KLHL32: variants seen among roughly 807,000 people sequenced by gnomAD.
KLHL32 encodes kelch like family member 32, also known as kelch-like protein 32.
Under a neutral mutation model 64.8 loss-of-function variants are expected in KLHL32, and 35 were observed. That is an observed-to-expected ratio of 0.54 (90% CI 0.41 to 0.72). KLHL32 has a LOEUF of 0.72. Ranked by LOEUF, KLHL32 falls within the 30% of genes least tolerant of loss-of-function variation. The pLI, the probability that KLHL32 is intolerant of heterozygous loss-of-function variation, is 0.00. For missense variants in KLHL32, 589 were observed against 768.5 expected, an observed-to-expected ratio of 0.77 and a Z score of 2.76; for synonymous variants, 259 against 281.0, an observed-to-expected ratio of 0.92 and a Z score of 0.78.
At chr6:97,030,093 A>G (rs554071904) in intron 3 of KLHL32, among the ~76,000 whole-genome samples, 1 of 152,324 alleles carries the variant, frequency 6.6e-6, no homozygotes, top group East Asian at 1.9e-4. Flanking sequence ...CTGTAAGATT[A>G]TTTGTATTCT....
chr6:97,124,099 T>C (rs1381328368), intron 7 of KLHL32, among the ~76,000 whole-genome samples: 1 of 152,192 alleles, frequency 6.6e-6, no homozygotes, highest in East Asian at 1.9e-4. Context: ...TTTTTTAAAA[T>C]GTATCTTAGT....
chr6:97,064,247 AAATATACTTTGAAAAACTAAAACTCAGT>A (rs1378425201), intron 4 of KLHL32, among the ~76,000 whole-genome samples: 9 of 152,218 alleles, frequency 5.9e-5, no homozygotes, highest in Non-Finnish European at 7.3e-5. Flanking sequence ...CAAAATTCTG[AAATATACTTTGAAAAACTAAAACTCAGT>A]TCTTTTGCAT....
intron 1 of KLHL32, among the ~76,000 whole-genome samples, chr6:96,929,076 T>A (rs1769523163): frequency 6.6e-6 from 1 of 152,130 alleles, no homozygotes; most frequent in Non-Finnish European, 1.5e-5. Context: ...CAAGTGGGAG[T>A]TAGACTTGCA....
At chr6:97,116,998 G>T (rs1797865385) in intron 7 of KLHL32, among the ~76,000 whole-genome samples, 1 of 152,132 alleles carries the variant, frequency 6.6e-6, no homozygotes, top group South Asian at 2.1e-4. Context: ...ACTTTGCTGT[G>T]TACAGTACAA....
intron 6 of KLHL32, among the ~76,000 whole-genome samples, chr6:97,103,213 CT>C (rs5878463): frequency 0.48 from 58,165 of 120,958 alleles, 12,338 homozygotes; most frequent in African/African-American, 0.59. Context: ...TTGAATTTAT[CT>C]TTTTTTTTTT....
In KLHL32 at chr6:97,085,712, G is replaced by GA. The variant is rs1793310450; in HGVS notation, c.627+371_627+372insA. 3.5e-4 allele frequency among the ~76,000 whole-genome samples: 54 copies of GA among 152,164 alleles called. 1 individual carries two copies. The highest frequency in any genetic ancestry group is 3.5e-3 in the Admixed American group (54 of 15,266). On this transcript the variant is annotated intron_variant, in intron 6 of 10. Coordinates refer to ENST00000369261, the MANE Select transcript of KLHL32 (RefSeq NM_052904.4). ...TGATATATATGCATATTTAAGACCA[G>GA]GAGAATCAGAGTAAATTTGGGCCTT...
chr6:96,938,379 G>T (rs895347417), intron 1 of KLHL32, among the ~76,000 whole-genome samples: 1 of 152,192 alleles, frequency 6.6e-6, no homozygotes, highest in African/African-American at 2.4e-5. Flanking sequence ...TCCCTGGCCA[G>T]GTGGTACTGG....
chr6:97,087,701 A>G lies in KLHL32; in HGVS notation c.627+2360A>G, dbSNP rs935995237. Among the ~76,000 whole-genome samples the G allele has an allele frequency of 7.9e-5, 12 of 152,208 alleles. No individual in the cohort carries two copies. The East Asian group carries it at 2.3e-3, about 29-fold the overall frequency. Reference sequence around the variant, plus strand: ...ATGAGAGCATGGTAAACACACACACACTTACGCAGGTGGCTCTTCTACTAT... The same window carrying G: ...ATGAGAGCATGGTAAACACACACACGCTTACGCAGGTGGCTCTTCTACTAT... On this transcript the variant is annotated intron_variant, in intron 6 of 10. Transcript: ENST00000369261.
At chr6:97,038,945 C>T (rs1784692336) in intron 3 of KLHL32, among the ~76,000 whole-genome samples, 1 of 151,472 alleles carries the variant, frequency 6.6e-6, no homozygotes, top group South Asian at 2.1e-4. Context: ...CAAAAATTAG[C>T]TGGGTATGGT....
rs574654698 is a variant in KLHL32, at chr6:96,976,120, G to A, written c.147G>A (p.Glu49=). Residue 49 remains glutamate, a synonymous_variant, in exon 3 of 11, where the codon GAG becomes GAA. Coordinates refer to ENST00000369261, the MANE Select transcript of KLHL32 (RefSeq NM_052904.4). ...GILCDITLIA[E]EQKFHAHKAV... ...TCTGCGACATCACCCTGATTGCTGA[G>A]GAACAGAAATTCCATGCTCACAAGG... 3.1e-6 allele frequency: 5 copies of A among 1,607,576 alleles called. No homozygotes were observed. The highest frequency in any genetic ancestry group is 1.7e-4 in the Middle Eastern group (1 of 6,012).
chr6:96,996,150 T>A (rs2128071079), intron 3 of KLHL32, among the ~76,000 whole-genome samples: 1 of 152,360 alleles, frequency 6.6e-6, no homozygotes, highest in East Asian at 1.9e-4. Context: ...GAAGCTGTTG[T>A]CTAACATTTG....
At chr6:97,125,410 A>G (rs1038624266) in intron 7 of KLHL32, among the ~76,000 whole-genome samples, 3 of 152,196 alleles carry the variant, frequency 2.0e-5, no homozygotes, top group African/African-American at 2.4e-5. Flanking sequence ...CAAAGCAAAA[A>G]CTGCACCAGA....
rs57457444 is a variant in KLHL32, at chr6:96,924,801, GCACACA to G, written c.-261_-256del. On this transcript the variant is annotated 5_prime_UTR_variant, in exon 1 of 11. Transcript: ENST00000369261. ...CAGTCGCGCGCACACACGCACGCAG[GCACACA>G]CACACACACACACACACACACACAC... 9,338 of 148,860 alleles carry G rather than the reference GCACACA, an allele frequency of 0.063. 313 individuals are homozygous for G. Among genetic ancestry groups the G allele is most frequent in the African/African-American group, 0.08 (3,260 of 40,546 alleles). The allele number at this position is 148,860 out of a possible 1,614,324, so 9.2% of individuals were successfully genotyped here. A position where few individuals can be genotyped will look rare whatever the true frequency, so the allele number is the denominator to read the frequency against.
intron 1 of KLHL32, among the ~76,000 whole-genome samples, chr6:96,937,826 T>C (rs1164607780): frequency 5.9e-5 from 9 of 152,198 alleles, no homozygotes; most frequent in Admixed American, 5.9e-4. Context: ...TTGTCACTAA[T>C]ATCTTTAGAG....
chr6:96,975,061 T>C (rs1176220889), intron 2 of KLHL32, among the ~76,000 whole-genome samples: 1 of 152,104 alleles, frequency 6.6e-6, no homozygotes, highest in Non-Finnish European at 1.5e-5. Flanking sequence ...TGATATAAGC[T>C]GGAAATGTCC....
At chr6:96,975,008 C>T (rs1775537028) in intron 2 of KLHL32, among the ~76,000 whole-genome samples, 1 of 152,218 alleles carries the variant, frequency 6.6e-6, no homozygotes. Flanking sequence ...TGTCTTAGTC[C>T]AATACCAGTT....
rs1800441174 is a variant in KLHL32, at chr6:97,139,399, A to C, written c.*117A>C. 1.1e-6 allele frequency: 1 copy of C among 895,074 alleles called. No homozygotes were observed. Among genetic ancestry groups the C allele is most frequent in the African/African-American group, 1.7e-5 (1 of 59,242 alleles). 55.4% of individuals were successfully genotyped at this position (895,074 alleles called of 1,614,324 possible). On this transcript the variant is annotated 3_prime_UTR_variant, in exon 11 of 11. Coordinates refer to ENST00000369261, the MANE Select transcript of KLHL32 (RefSeq NM_052904.4). ...TGCTTTATAGGTCTTATATTCGGAT[A>C]AATTTAAGCAAAAAATGAACAATTT...
intron 1 of KLHL32, among the ~76,000 whole-genome samples, chr6:96,932,207 T>TTA (rs1554201234): frequency 5.3e-5 from 7 of 132,432 alleles, no homozygotes; most frequent in Non-Finnish European, 8.2e-5. Flanking sequence ...ACTGGGTTAT[T>TTA]TTTTTTTTTT....
At chr6:97,001,744 C>G (rs1779061408) in intron 3 of KLHL32, among the ~76,000 whole-genome samples, 1 of 152,188 alleles carries the variant, frequency 6.6e-6, no homozygotes, top group Non-Finnish European at 1.5e-5. Context: ...TAGTCATGGT[C>G]TATTAGGTCT....
Sources: allele counts gnomAD v4.1 joint callset (sites outside exome capture counted in the v4.1 genomes callset), GRCh38; gene constraint gnomAD v4.1.1; transcripts MANE v1.5; gene names NCBI Gene and HGNC (gene_info 2026-07-23, HGNC 2026-07-21).